MDFIC: variants seen among roughly 807,000 people sequenced by gnomAD.
MDFIC encodes myoD family inhibitor domain-containing protein.
Under a neutral mutation model 23.2 loss-of-function variants are expected in MDFIC, and 17 were observed. The observed-to-expected ratio is 0.73, with a 90% confidence interval of 0.50 to 1.10. The LOEUF (loss-of-function observed/expected upper bound fraction) is 1.10, where lower values mean the gene tolerates loss of function less well. Ranked by LOEUF, MDFIC falls within the 50% of genes least tolerant of loss-of-function variation. MDFIC has a pLI of 0.00. For synonymous variants in MDFIC, 120 were observed against 115.2 expected, an observed-to-expected ratio of 1.04 and a Z score of -0.27; for missense variants, 356 against 316.6, an observed-to-expected ratio of 1.12 and a Z score of -0.95.
At chr7:114,946,225 AGTGTGTGTGTGT>A (rs141050062) in intron 3 of MDFIC, among the ~76,000 whole-genome samples, 3 of 149,614 alleles carry the variant, frequency 2.0e-5, no homozygotes, top group African/African-American at 7.4e-5. Context: ...TAGGAAGAAG[AGTGTGTGTGTGT>A]GTGTGTGTGT....
rs889720024 is a variant in MDFIC at position 114,922,463 on chromosome 7, C to A, written c.-281C>A. The A allele has an allele frequency of 1.6e-6, 2 of 1,246,230 alleles. No individual in the cohort carries two copies. Among genetic ancestry groups the A allele is most frequent in the African/African-American group, 1.6e-5 (1 of 64,494 alleles). The allele number at this position is 1,246,230 out of a possible 1,614,324, so 77.2% of individuals were successfully genotyped here. On this transcript the variant is annotated 5_prime_UTR_variant, in exon 1 of 5. Coordinates refer to ENST00000393486, the MANE Select transcript of MDFIC (RefSeq NM_001166345.3). ...ACCGCTGCCGCAGTTGCCGCCACTG[C>A]GGCGTCTGGGCTGAGCCGGAGGGAG... is the stretch of plus-strand genomic sequence containing the variant.
At chr7:114,997,831 A>G (rs1328628891) in intron 4 of MDFIC, among the ~76,000 whole-genome samples, 2 of 151,942 alleles carry the variant, frequency 1.3e-5, no homozygotes, top group African/African-American at 4.8e-5. Context: ...AAAAGAAAAG[A>G]GAAAGAGAAA....
At chr7:114,935,674 A>G (rs746531882) in intron 2 of MDFIC, among the ~76,000 whole-genome samples, 1 of 152,112 alleles carries the variant, frequency 6.6e-6, no homozygotes, top group Non-Finnish European at 1.5e-5. Context: ...AGTCCGGGGA[A>G]ATCAGAATAT....
At chr7:114,999,862 T>C (rs1791425375) in intron 4 of MDFIC, among the ~76,000 whole-genome samples, 1 of 152,186 alleles carries the variant, frequency 6.6e-6, no homozygotes, top group South Asian at 2.1e-4. Flanking sequence ...CTCTCAATTA[T>C]ACATATAGGC....
chr7:114,922,241 G>C lies in MDFIC; in HGVS notation c.-503G>C, dbSNP rs1009851712. 2 of 579,132 alleles carry C rather than the reference G, an allele frequency of 3.5e-6. No homozygotes were observed. The highest frequency in any genetic ancestry group is 1.9e-5 in the African/African-American group (1 of 51,820). 35.9% of individuals were successfully genotyped at this position (579,132 alleles called of 1,614,324 possible). On this transcript the variant is annotated 5_prime_UTR_variant, in exon 1 of 5. Coordinates refer to ENST00000393486, the MANE Select transcript of MDFIC (RefSeq NM_001166345.3). Reference sequence around the variant, plus strand: ...CCCGGGTCGCGCCGCTCCCAGCATCGGGGCCGCTAGCCAAGAGTTCGAGGC... The same window carrying C: ...CCCGGGTCGCGCCGCTCCCAGCATCCGGGCCGCTAGCCAAGAGTTCGAGGC...
chr7:114,982,910 C>T (rs181972507), intron 4 of MDFIC, among the ~76,000 whole-genome samples: 38 of 152,190 alleles, frequency 2.5e-4, no homozygotes, highest in East Asian at 2.1e-3. Flanking sequence ...AAAGCAGAAG[C>T]GCAAGAGATC....
intron 3 of MDFIC, among the ~76,000 whole-genome samples, chr7:114,948,222 C>T (rs201979868): frequency 1.3e-5 from 2 of 152,056 alleles, no homozygotes; most frequent in East Asian, 1.9e-4. Context: ...TCCATTTATT[C>T]TTCTAACTCC....
intron 2 of MDFIC, 42 bp from the exon 3 acceptor site, chr7:114,942,233 T>C: frequency 8.2e-7 from 1 of 1,224,890 alleles, no homozygotes; most frequent in Non-Finnish European, 1.1e-6. Context: ...GAGAGAAAAA[T>C]ATATAAAATC....
At chr7:115,002,670 TG>T (rs1791487411) in intron 4 of MDFIC, among the ~76,000 whole-genome samples, 1 of 152,230 alleles carries the variant, frequency 6.6e-6, no homozygotes, top group African/African-American at 2.4e-5. Context: ...CTCTCCACCC[TG>T]GGCCCTACCT....
At chr7:114,952,416 AT>A (rs11447829) in intron 3 of MDFIC, among the ~76,000 whole-genome samples, 102 of 146,738 alleles carry the variant, frequency 7.0e-4, no homozygotes, top group Admixed American at 1.4e-3. Context: ...GATTTGCTCC[AT>A]TTTTTTTTTT....
At chr7:115,008,251 G>A (rs1253740223) in intron 4 of MDFIC, among the ~76,000 whole-genome samples, 5 of 151,306 alleles carry the variant, frequency 3.3e-5, no homozygotes, top group African/African-American at 9.7e-5. Flanking sequence ...ACCTGTAGTA[G>A]GAAACTTATT....
chr7:115,005,095 TAG>T (rs1306787276), intron 4 of MDFIC, among the ~76,000 whole-genome samples: 1 of 152,268 alleles, frequency 6.6e-6, no homozygotes, highest in Non-Finnish European at 1.5e-5. Context: ...CTATTAGTTA[TAG>T]AAAATAGATT....
chr7:115,009,777 G>A (rs73716603), intron 4 of MDFIC, among the ~76,000 whole-genome samples: 3,824 of 152,306 alleles, frequency 0.025, 166 homozygotes, highest in African/African-American at 0.087. Flanking sequence ...TGTGTCTTCA[G>A]TAATTCATAA....
At chr7:114,998,247 T>C (rs1351218834) in intron 4 of MDFIC, among the ~76,000 whole-genome samples, 2 of 152,158 alleles carry the variant, frequency 1.3e-5, no homozygotes, top group African/African-American at 4.8e-5. Context: ...TAGCGAAAAA[T>C]AGTATCAAAG....
At chr7:115,002,008 A>T (rs1791475110) in intron 4 of MDFIC, among the ~76,000 whole-genome samples, 1 of 152,024 alleles carries the variant, frequency 6.6e-6, no homozygotes, top group Non-Finnish European at 1.5e-5. Context: ...GTGGTGGTAC[A>T]TGCCTGTAAT....
chr7:114,922,682 A>G, intron 1 of MDFIC, 46 bp downstream of exon 1: 1 of 1,340,462 alleles, frequency 7.5e-7, no homozygotes, highest in Non-Finnish European at 9.6e-7. Flanking sequence ...TTTGATCCCC[A>G]TCCCCGGGGT....
chr7:114,971,656 G>A (rs532607740), intron 3 of MDFIC, among the ~76,000 whole-genome samples: 1 of 152,070 alleles, frequency 6.6e-6, no homozygotes, highest in Non-Finnish European at 1.5e-5. Context: ...GCTAGCTTTT[G>A]TACATCATAA....
In MDFIC at chr7:115,018,577, T is replaced by C. The variant is rs1791841683; in HGVS notation, c.*2642T>C. Reference sequence around the variant, plus strand: ...AATGTGAAAATAGTTTCAATATATCTTATGATTTCTTAATGTAAAATGTTT... The same window carrying C: ...AATGTGAAAATAGTTTCAATATATCCTATGATTTCTTAATGTAAAATGTTT... On this transcript the variant is annotated 3_prime_UTR_variant, in exon 5 of 5. Transcript: ENST00000393486. 6.6e-6 allele frequency: 1 copy of C among 152,530 alleles called. No homozygotes were observed. Among genetic ancestry groups the C allele is most frequent in the Admixed American group, 6.5e-5 (1 of 15,290 alleles). The allele number at this position is 152,530 out of a possible 1,614,324, so 9.4% of individuals were successfully genotyped here.
intron 4 of MDFIC, among the ~76,000 whole-genome samples, chr7:114,996,667 G>A (rs1791338799): frequency 6.6e-6 from 1 of 152,082 alleles, no homozygotes; most frequent in African/African-American, 2.4e-5. Flanking sequence ...CTCAACCCTG[G>A]CCTCTGGATA....
Sources: allele counts gnomAD v4.1 joint callset (sites outside exome capture counted in the v4.1 genomes callset), GRCh38; gene constraint gnomAD v4.1.1; transcripts MANE v1.5; gene names NCBI Gene and HGNC (gene_info 2026-07-23, HGNC 2026-07-21).